The following PWWP2A variants were observed in gnomAD, a reference collection of about 807,000 sequenced individuals.
The protein encoded by PWWP2A is PWWP domain-containing protein 2A.
In PWWP2A, 18 loss-of-function variants were observed where a neutral mutation model predicts 48.5. The ratio of observed to expected loss-of-function variants is 0.37; its 90% CI spans 0.26 to 0.55. The LOEUF is 0.55. Among genes scored for constraint, PWWP2A ranks in the 20% least tolerant of loss-of-function variants. PWWP2A has a pLI of 0.81. For synonymous variants in PWWP2A, 396 were observed against 387.7 expected (o/e 1.02, Z -0.25); for missense variants, 867 against 976.4 (o/e 0.89, Z 1.49).
At chr5:160,117,089 A>AAAAT (rs576504085) in intron 1 of PWWP2A, among the ~76,000 whole-genome samples, 139 of 152,194 alleles carry the variant, frequency 9.1e-4, no homozygotes, top group Admixed American at 2.6e-3. Context: ...CTCTGTCTCA[A>AAAAT]AAATAAATAA....
chr5:160,045,520 A>ACACACACACC, the PWWP2A span, among the ~76,000 whole-genome samples: 1 of 54,884 alleles, frequency 1.8e-5, no homozygotes, highest in Non-Finnish European at 3.3e-5. Flanking sequence ...ACACATACAC[A>ACACACACACC]CTCTCTCTCT....
At chr5:160,099,854 T>C (rs1387171453) in intron 1 of PWWP2A, among the ~76,000 whole-genome samples, 1 of 151,696 alleles carries the variant, frequency 6.6e-6, no homozygotes, top group Admixed American at 6.6e-5. Context: ...TTAGTAGAGA[T>C]GGAGTTTCGC....
chr5:160,101,357 A>C (rs1756267480), intron 1 of PWWP2A, among the ~76,000 whole-genome samples: 1 of 152,208 alleles, frequency 6.6e-6, no homozygotes, highest in African/African-American at 2.4e-5. Context: ...CTCAAAAAAA[A>C]AGGAAATCAT....
At chr5:160,060,732 CTG>C (rs1385477065), downstream of PWWP2A, among the ~76,000 whole-genome samples, 1 of 152,196 alleles carries the variant, frequency 6.6e-6, no homozygotes, top group Non-Finnish European at 1.5e-5. Context: ...ATTTAGGAGA[CTG>C]AGCTCTCCTG....
chr5:160,110,481 T>C (rs1020049438), intron 1 of PWWP2A, among the ~76,000 whole-genome samples: 5 of 151,746 alleles, frequency 3.3e-5, no homozygotes, highest in South Asian at 2.1e-4. Flanking sequence ...CCGCGGCAGA[T>C]GGATCACCTA....
downstream of PWWP2A, among the ~76,000 whole-genome samples, chr5:160,088,988 TATTC>T (rs1431818405): frequency 2.0e-5 from 3 of 152,210 alleles, no homozygotes; most frequent in African/African-American, 4.8e-5. Flanking sequence ...AGTGAAGATA[TATTC>T]ATTTTGTTGA....
At chr5:160,051,082 GTT>G in the PWWP2A span, 84,066 of 1,205,792 alleles carry the variant, frequency 0.07, 260 homozygotes, top group Admixed American at 0.17. Flanking sequence ...AAAGGTTTTG[GTT>G]TTTTTTTTTT....
chr5:160,111,886 G>A (rs963229933), intron 1 of PWWP2A, among the ~76,000 whole-genome samples: 2 of 151,968 alleles, frequency 1.3e-5, no homozygotes, highest in African/African-American at 4.8e-5. Context: ...CAGGTGCTGT[G>A]GCTTACACCT....
At chr5:160,095,860 A>T (rs1038138908) in intron 1 of PWWP2A, among the ~76,000 whole-genome samples, 1 of 151,742 alleles carries the variant, frequency 6.6e-6, no homozygotes, top group African/African-American at 2.4e-5. Context: ...ATGCCTGGCT[A>T]ATTTTAGTAT....
intron 3 of PWWP2A, chr5:160,066,613 C>G (rs1029460273): frequency 6.6e-6 from 1 of 151,500 alleles, no homozygotes; most frequent in African/African-American, 2.4e-5. Context: ...CCTTCATAGT[C>G]TGGAAAAAAA....
Position 160,092,615 on chromosome 5 carries a change from TCA to T in PWWP2A, c.2033_2034del (p.Val678GlufsTer5), listed in dbSNP as rs1755197363. The T allele has an allele frequency of 6.4e-7, 1 of 1,551,686 alleles. No homozygotes were observed. Among genetic ancestry groups the T allele is most frequent in the Non-Finnish European group, 8.7e-7 (1 of 1,146,996 alleles). The stretch of plus-strand genomic sequence containing the variant: ...ACTAAAAGGCCGTTATCTTTCCGGC[TCA>T]CAGTTATAGTAAGAATACGGGCTGG... ...WWPARILTITVSRKDNGLLVR... is the reference protein window; with the variant it reads ...WWPARILTITXSRKDNGLLVR... On this transcript the variant is annotated frameshift_variant, in exon 2 of 2. Transcript: ENST00000307063. LOFTEE classifies it high-confidence loss of function.
chr5:160,069,104 G>A (rs1382817786), intron 2 of PWWP2A, among the ~76,000 whole-genome samples: 1 of 151,926 alleles, frequency 6.6e-6, no homozygotes, highest in African/African-American at 2.4e-5. Flanking sequence ...ACCAGCCTGA[G>A]CAATATGGTG....
At chr5:160,116,973 T>A (rs1758202208) in intron 1 of PWWP2A, 1 of 153,570 alleles carries the variant, frequency 6.5e-6, no homozygotes, top group Admixed American at 6.6e-5. Flanking sequence ...ATGCCTGTAA[T>A]CCCAGCTACT....
In PWWP2A at chr5:160,078,435, G is replaced by A. The variant is rs1192713777; in HGVS notation, c.1670-267C>T. 6.6e-6 allele frequency among the ~76,000 whole-genome samples: 1 copy of A among 152,138 alleles called. No individual in the cohort carries two copies. Among genetic ancestry groups the A allele is most frequent in the Admixed American group, 6.5e-5 (1 of 15,282 alleles). ...TGGCTGTCATCTTTACATAATCAAT[G>A]TGCACTTGAGTGTTTTTTTAAAATA... On this transcript the variant is annotated intron_variant, in intron 3 of 3. Transcript: ENST00000456329. The surrounding 1 kb of genome is among the most constrained non-coding windows in gnomAD (Gnocchi z 4.2).
chr5:160,044,409 T>C, the PWWP2A span, among the ~76,000 whole-genome samples: 1 of 152,248 alleles, frequency 6.6e-6, no homozygotes, highest in East Asian at 1.9e-4. Context: ...CAGTAAAGTA[T>C]ACTTACAGTT....
the PWWP2A span, among the ~76,000 whole-genome samples, chr5:160,050,733 C>G: frequency 6.6e-6 from 1 of 151,378 alleles, no homozygotes; most frequent in Admixed American, 6.6e-5. Context: ...TCAAGCAACC[C>G]TCCCACCTCA....
At position 160,093,868 on chromosome 5, in the gene PWWP2A, T is replaced by C; in HGVS notation, c.782A>G (p.Lys261Arg). The C allele has an allele frequency of 6.2e-7, 1 of 1,614,022 alleles. No individual in the cohort carries two copies. Residue 261 changes from lysine to arginine, a missense_variant, in exon 2 of 2, where the codon AAA (lysine) becomes AGA (arginine). This residue lies in a region of PWWP2A where 385 missense variants were observed against 396.9 expected (regional missense o/e 0.97). Transcript: ENST00000307063. The surrounding 1 kb of genome is among the most constrained non-coding windows in gnomAD (Gnocchi z 5.8). ...LSLAESLWTS[K>R]PPPLFHEGAP... Reference sequence around the variant, plus strand: ...TCCTTCATGGAAGAGAGGTGGTGGTTTGGAAGTCCACAGGCTTTCAGCCAA... The same window carrying C: ...TCCTTCATGGAAGAGAGGTGGTGGTCTGGAAGTCCACAGGCTTTCAGCCAA...
At chr5:160,054,936 A>C in the PWWP2A span, among the ~76,000 whole-genome samples, 1 of 152,212 alleles carries the variant, frequency 6.6e-6, no homozygotes, top group Non-Finnish European at 1.5e-5. Context: ...CTCAACTGTA[A>C]GATACTTAGG....
the PWWP2A span, among the ~76,000 whole-genome samples, chr5:160,045,520 A>ACACACACACACTCTCTCT: frequency 3.6e-5 from 2 of 54,882 alleles, no homozygotes; most frequent in Admixed American, 2.3e-4. Flanking sequence ...ACACATACAC[A>ACACACACACACTCTCTCT]CTCTCTCTCT....
Sources: allele counts gnomAD v4.1 joint callset (sites outside exome capture counted in the v4.1 genomes callset), GRCh38; gene constraint gnomAD v4.1.1; regional missense constraint gnomAD v4.1.1; non-coding constraint Gnocchi (gnomAD v3.1); transcripts MANE v1.5; gene names NCBI Gene and HGNC (gene_info 2026-07-23, HGNC 2026-07-21).